UBE2E1: variants seen among roughly 807,000 people sequenced by gnomAD.
UBE2E1 encodes ubiquitin-conjugating enzyme E2 E1.
A neutral mutation model predicts 21.4 loss-of-function variants in UBE2E1; 6 were observed. The observed-to-expected ratio is 0.28, with a 90% confidence interval of 0.15 to 0.55. The LOEUF is 0.55. Ranked by LOEUF, UBE2E1 falls within the 20% of genes least tolerant of loss-of-function variation. The pLI, the probability that UBE2E1 is intolerant of heterozygous loss-of-function variation, is 0.93. For missense variants in UBE2E1, 142 were observed against 236.5 expected, an observed-to-expected ratio of 0.60 and a Z score of 2.62; for synonymous variants, 87 against 82.7, an observed-to-expected ratio of 1.05 and a Z score of -0.28.
chr3:23,877,799 A>G (rs1165451504), intron 3 of UBE2E1, among the ~76,000 whole-genome samples: 1 of 152,222 alleles, frequency 6.6e-6, no homozygotes, highest in African/African-American at 2.4e-5. Flanking sequence ...TCTGAGGATG[A>G]TGATAAAGCT....
chr3:23,863,640 G>C lies in UBE2E1; in HGVS notation c.204-23927G>C, dbSNP rs1002864395. On this transcript the variant is annotated intron_variant, in intron 3 of 5. Coordinates refer to ENST00000306627, the MANE Select transcript of UBE2E1 (RefSeq NM_003341.5). The surrounding 1 kb of genome is among the most constrained non-coding windows in gnomAD (Gnocchi z 4.3). Reference sequence around the variant, plus strand: ...CCGCCTTCTGGGTTCAAGTGATTCTGCTGCCTCAGCCTCCCAAGTAGCTGA... The same window carrying C: ...CCGCCTTCTGGGTTCAAGTGATTCTCCTGCCTCAGCCTCCCAAGTAGCTGA... Among the ~76,000 whole-genome samples, 4 of 152,074 alleles carry C rather than the reference G, an allele frequency of 2.6e-5. No individual in the cohort carries two copies. Among genetic ancestry groups the C allele is most frequent in the African/African-American group, 9.7e-5 (4 of 41,402 alleles).
intron 3 of UBE2E1, among the ~76,000 whole-genome samples, chr3:23,818,972 T>C (rs191738136): frequency 6.6e-6 from 1 of 152,080 alleles, no homozygotes; most frequent in East Asian, 1.9e-4. Flanking sequence ...GAAGCAAATA[T>C]AGAGAGAAAA....
intron 3 of UBE2E1, among the ~76,000 whole-genome samples, chr3:23,856,969 C>G (rs751343997): frequency 6.8e-6 from 1 of 146,362 alleles, no homozygotes; most frequent in East Asian, 2.0e-4. Flanking sequence ...CAACACTGCA[C>G]TCGGCCTGGG....
intron 3 of UBE2E1, among the ~76,000 whole-genome samples, chr3:23,868,136 A>G (rs1559489966): frequency 6.6e-6 from 1 of 152,194 alleles, no homozygotes; most frequent in Non-Finnish European, 1.5e-5. Context: ...TGTTGTAAAA[A>G]TAACTGTGAA....
At chr3:23,889,337 A>G (rs777974089) in intron 5 of UBE2E1, 78 bp downstream of exon 5, 4 of 1,598,172 alleles carry the variant, frequency 2.5e-6, no homozygotes, top group Non-Finnish European at 3.4e-6. Flanking sequence ...TTCAAAGGAC[A>G]AAACTAATTT....
chr3:23,858,256 A>G (rs1036625630), intron 3 of UBE2E1, among the ~76,000 whole-genome samples: 3 of 152,202 alleles, frequency 2.0e-5, no homozygotes, highest in African/African-American at 7.2e-5. Flanking sequence ...AAAAAAAGTC[A>G]TTGTTTACTG....
chr3:23,813,715 G>C (rs1251756648), intron 3 of UBE2E1, among the ~76,000 whole-genome samples: 1 of 151,996 alleles, frequency 6.6e-6, no homozygotes, highest in Non-Finnish European at 1.5e-5. Context: ...GCTAATTTTT[G>C]TATTTTGGGT....
intron 3 of UBE2E1, among the ~76,000 whole-genome samples, chr3:23,815,018 C>A (rs974277832): frequency 6.6e-6 from 1 of 152,006 alleles, no homozygotes; most frequent in Non-Finnish European, 1.5e-5. Flanking sequence ...GAGACAGGGT[C>A]TCATTTTGTC....
At position 23,853,184 on chromosome 3, in the gene UBE2E1, C is replaced by T. The variant is rs148612716; in HGVS notation, c.204-34383C>T. ...CTGGGATTACAGGCGTGAGCCACCG[C>T]GCCCAGCTGCCTTATTTCTTTTTCT... is the stretch of plus-strand genomic sequence containing the variant. On this transcript the variant is annotated intron_variant, in intron 3 of 5. Coordinates refer to ENST00000306627, the MANE Select transcript of UBE2E1 (RefSeq NM_003341.5). This position sits in a 1 kb window ranked among gnomAD's most constrained non-coding sequence, Gnocchi z 4.1. Among the ~76,000 whole-genome samples the T allele has an allele frequency of 5.2e-4, 79 of 152,302 alleles. No individual in the cohort carries two copies. The highest frequency in any genetic ancestry group is 1.6e-3 in the African/African-American group (67 of 41,568).
chr3:23,885,228 G>A (rs1701154030), intron 3 of UBE2E1, among the ~76,000 whole-genome samples: 1 of 152,150 alleles, frequency 6.6e-6, no homozygotes, highest in Non-Finnish European at 1.5e-5. Context: ...TCCTTTTCAT[G>A]AGGATTTCTA....
chr3:23,834,193 TA>T (rs1254699038), intron 3 of UBE2E1, among the ~76,000 whole-genome samples: 5 of 152,240 alleles, frequency 3.3e-5, no homozygotes, highest in African/African-American at 1.2e-4. Flanking sequence ...TTTGCTGTAA[TA>T]AAAGCTTGGT....
At chr3:23,848,500 T>G (rs1410239048) in intron 3 of UBE2E1, among the ~76,000 whole-genome samples, 1 of 151,894 alleles carries the variant, frequency 6.6e-6, no homozygotes. Context: ...CAAAAAACTT[T>G]AGCTAAGCAG....
Position 23,890,614 on chromosome 3 carries a change from T to A in UBE2E1, c.*8T>A, listed in dbSNP as rs72627062. 6,882 of 1,611,952 alleles carry A rather than the reference T, an allele frequency of 4.3e-3. 167 individuals carry two copies. The highest frequency in any genetic ancestry group is 0.041 in the East Asian group (1,834 of 44,758). ...AAGAGATACGCTACATAAATTGGGG[T>A]TTCACAATTCTTACATTATTTGTCT... On this transcript the variant is annotated 3_prime_UTR_variant, in exon 6 of 6. Coordinates refer to ENST00000306627, the MANE Select transcript of UBE2E1 (RefSeq NM_003341.5).
In UBE2E1 at chr3:23,810,533, G is replaced by A. The variant is rs1699363543; in HGVS notation, c.153-927G>A. 1.0e-5 allele frequency: 16 copies of A among 1,534,592 alleles called. No homozygotes were observed. The highest frequency in any genetic ancestry group is 1.3e-5 in the Non-Finnish European group (15 of 1,146,044). On this transcript the variant is annotated intron_variant, in intron 2 of 5. Coordinates refer to ENST00000306627, the MANE Select transcript of UBE2E1 (RefSeq NM_003341.5). This position sits in a 1 kb window ranked among gnomAD's most constrained non-coding sequence, Gnocchi z 5.8. ...AGGACGCCCGGGGAAAAGCAGGTCCGGGGAGGTGGGCCGAGAGTCCCGGCC... is the reference window on the plus strand; with the variant it reads ...AGGACGCCCGGGGAAAAGCAGGTCCAGGGAGGTGGGCCGAGAGTCCCGGCC...
At chr3:23,851,454 G>T (rs933226293) in intron 3 of UBE2E1, among the ~76,000 whole-genome samples, 3 of 152,000 alleles carry the variant, frequency 2.0e-5, no homozygotes, top group Non-Finnish European at 4.4e-5. Flanking sequence ...AGTCCAGCTG[G>T]GGTTTTTACA....
At chr3:23,843,292 CAT>C (rs1700132516) in intron 3 of UBE2E1, among the ~76,000 whole-genome samples, 1 of 152,140 alleles carries the variant, frequency 6.6e-6, no homozygotes, top group East Asian at 1.9e-4. Context: ...CAGTTCCTAA[CAT>C]ATTGCTTAGC....
At chr3:23,829,319 T>C (rs1335373706) in intron 3 of UBE2E1, among the ~76,000 whole-genome samples, 2 of 97,056 alleles carry the variant, frequency 2.1e-5, no homozygotes, top group African/African-American at 9.0e-5. Flanking sequence ...CTCCACAAAG[T>C]CCAGCTTTTT....
rs1012205555 is a variant in UBE2E1, at chr3:23,876,569, G to C, written c.204-10998G>C. Among the ~76,000 whole-genome samples the C allele has an allele frequency of 3.2e-4, 48 of 152,074 alleles. No individual in the cohort carries two copies. The highest frequency in any genetic ancestry group is 7.9e-4 in the Admixed American group (12 of 15,278). On this transcript the variant is annotated intron_variant, in intron 3 of 5. Transcript: ENST00000306627. The surrounding 1 kb of genome is among the most constrained non-coding windows in gnomAD (Gnocchi z 4.3). ...TAGTGTGTTTGTCATAGGGAATGTA[G>C]ATGTAATTGGATTTTTTTTTCATAT...
Position 23,887,765 on chromosome 3 carries a change from C to G in UBE2E1, c.336+66C>G, listed in dbSNP as rs1012719941. ...CAAGAGAGCAACTGTTGAGGTTTTT[C>G]TAAATTTAATTTTTAATCACAGAAA... On this transcript the variant is annotated intron_variant, in intron 4 of 5. Transcript: ENST00000306627. This position sits in a 1 kb window ranked among gnomAD's most constrained non-coding sequence, Gnocchi z 4.4. 5 of 1,534,768 alleles carry G rather than the reference C, an allele frequency of 3.3e-6. No homozygotes were observed. The highest frequency in any genetic ancestry group is 4.4e-6 in the Non-Finnish European group (5 of 1,146,258).
Sources: gnomAD v4.1 joint callset for allele counts (sites outside exome capture counted in the v4.1 genomes callset) on GRCh38, gnomAD v4.1.1 for gene constraint, Gnocchi (gnomAD v3.1) non-coding constraint, MANE v1.5 for transcripts, NCBI Gene and HGNC (gene_info 2026-07-23, HGNC 2026-07-21) for gene names.